FSTL1: variants seen among roughly 807,000 people sequenced by gnomAD.
The protein encoded by FSTL1 is follistatin like 1, also known as follistatin-related protein 1.
Under a neutral mutation model 45.9 loss-of-function variants are expected in FSTL1, and 24 were observed. That is an observed-to-expected ratio of 0.52 (90% CI 0.38 to 0.74). The LOEUF (loss-of-function observed/expected upper bound fraction) is 0.74. FSTL1 is among the 30% of genes least tolerant of loss of function. The pLI is 0.00. For synonymous variants in FSTL1, 120 were observed against 137.6 expected (o/e 0.87, Z 0.89); for missense variants, 340 against 381.8 (o/e 0.89, Z 0.91).
intron 2 of FSTL1, among the ~76,000 whole-genome samples, chr3:120,419,993 T>C (rs1937251655): frequency 6.6e-6 from 1 of 152,148 alleles, no homozygotes; most frequent in African/African-American, 2.4e-5. Flanking sequence ...CTGTGACGCA[T>C]GGAGGCCACA....
intron 7 of FSTL1, among the ~76,000 whole-genome samples, chr3:120,403,951 C>CAA (rs1390160630): frequency 1.2e-5 from 1 of 80,670 alleles, no homozygotes; most frequent in Non-Finnish European, 2.4e-5. Context: ...AAAACAAAAA[C>CAA]AAAACAAAAC....
chr3:120,405,040 A>G, intron 6 of FSTL1, 69 bp from the exon 7 acceptor site: 1 of 826,534 alleles, frequency 1.2e-6, no homozygotes, highest in South Asian at 1.3e-5. Context: ...TACTCCACTC[A>G]GCTGACCTGC....
rs1312905748 is a variant in FSTL1 at position 120,393,357 on chromosome 3, GGA to G, written c.*3593_*3594del. On this transcript the variant is annotated 3_prime_UTR_variant, in exon 11 of 11. Coordinates refer to ENST00000295633, the MANE Select transcript of FSTL1 (RefSeq NM_007085.5). ...TTTGGGAGGCAGAATTATTGTGGGT[GGA>G]GAGTGCATGATACATATGAAAATGG... 1 of 152,178 alleles carries G rather than the reference GGA, an allele frequency of 6.6e-6. No homozygotes were observed. The highest frequency in any genetic ancestry group is 1.5e-5 in the Non-Finnish European group (1 of 68,048). 9.4% of individuals were successfully genotyped at this position (152,178 alleles called of 1,614,324 possible). A position where few individuals can be genotyped will look rare whatever the true frequency, so the allele number is the denominator to read the frequency against.
In FSTL1 at chr3:120,393,464, T is replaced by A. The variant is rs1228429289; in HGVS notation, c.*3488A>T. The A allele has an allele frequency of 1.3e-5, 2 of 152,202 alleles. No individual in the cohort carries two copies. Among genetic ancestry groups the A allele is most frequent in the Non-Finnish European group, 2.9e-5 (2 of 68,046 alleles). 9.4% of individuals were successfully genotyped at this position (152,202 alleles called of 1,614,324 possible). ...AACGTTCAGCCCACTTGGAACTGTT[T>A]ACCCCCATGGAATGTGTGTATCAAG... On this transcript the variant is annotated 3_prime_UTR_variant, in exon 11 of 11. Coordinates refer to ENST00000295633, the MANE Select transcript of FSTL1 (RefSeq NM_007085.5).
intron 2 of FSTL1, among the ~76,000 whole-genome samples, chr3:120,426,468 A>T (rs1211943461): frequency 6.6e-6 from 1 of 152,174 alleles, no homozygotes; most frequent in Non-Finnish European, 1.5e-5. Context: ...ATCGCCTAAG[A>T]GGTATCTAGT....
intron 5 of FSTL1, 89 bp downstream of exon 5, chr3:120,410,863 A>T: frequency 9.9e-7 from 1 of 1,014,222 alleles, no homozygotes; most frequent in Non-Finnish European, 1.6e-6. Context: ...AGATCTTATG[A>T]GCTTGGCAGG....
intron 3 of FSTL1, among the ~76,000 whole-genome samples, chr3:120,414,652 C>A (rs1306469596): frequency 6.6e-6 from 1 of 151,686 alleles, no homozygotes; most frequent in Non-Finnish European, 1.5e-5. Context: ...ACTAAGAAAA[C>A]TTCTTCTGCC....
At chr3:120,410,531 C>T (rs1012636797) in intron 5 of FSTL1, 2 of 330,932 alleles carry the variant, frequency 6.0e-6, no homozygotes, top group Admixed American at 8.3e-5. Context: ...AACTATAAAT[C>T]ATGATAAAAT....
intron 2 of FSTL1, among the ~76,000 whole-genome samples, chr3:120,427,168 A>G (rs1937397141): frequency 6.6e-6 from 1 of 152,126 alleles, no homozygotes; most frequent in Non-Finnish European, 1.5e-5. Flanking sequence ...GGCTTGCCCA[A>G]ATTCTCCCTG....
chr3:120,450,289 G>A (rs1190901780), intron 2 of FSTL1, among the ~76,000 whole-genome samples: 1 of 151,990 alleles, frequency 6.6e-6, no homozygotes, highest in African/African-American at 2.4e-5. Context: ...CTCTGCCCCC[G>A]CCCCCAGGAG....
intron 2 of FSTL1, among the ~76,000 whole-genome samples, chr3:120,443,489 G>A (rs1019120768): frequency 2.7e-5 from 4 of 149,794 alleles, no homozygotes; most frequent in Non-Finnish European, 5.9e-5. Flanking sequence ...AAGGATAAGA[G>A]GAAAGACAGG....
intron 5 of FSTL1, 78 bp downstream of exon 5, chr3:120,410,874 G>A (rs547691094): frequency 2.7e-6 from 3 of 1,111,202 alleles, no homozygotes; most frequent in South Asian, 1.2e-5. Context: ...GCTTGGCAGG[G>A]ATTGTGGAAC....
chr3:120,398,334 T>C (rs1299228303), intron 10 of FSTL1, among the ~76,000 whole-genome samples: 1 of 152,176 alleles, frequency 6.6e-6, no homozygotes, highest in Non-Finnish European at 1.5e-5. Context: ...GTGTTTAATG[T>C]CTTGGTGTAC....
rs529436064 is a variant in FSTL1 at position 120,396,497 on chromosome 3, C to G, written c.*455G>C. 113 of 159,362 alleles carry G rather than the reference C, an allele frequency of 7.1e-4. 1 individual carries two copies. The South Asian group carries it at 0.021, about 30-fold the overall frequency. The allele number at this position is 159,362 out of a possible 1,614,324, so 9.9% of individuals were successfully genotyped here. On this transcript the variant is annotated 3_prime_UTR_variant, in exon 11 of 11. Transcript: ENST00000295633. Reference sequence around the variant, plus strand: ...CAAGAGATGCGTGGATGCTGGAGGTCTGTCATGCTGACGGCAATGGAAAGA... The same window carrying G: ...CAAGAGATGCGTGGATGCTGGAGGTGTGTCATGCTGACGGCAATGGAAAGA...
rs1936623032 is a variant in FSTL1, at chr3:120,393,077, A to C, written c.*3875T>G. On this transcript the variant is annotated 3_prime_UTR_variant, in exon 11 of 11. Transcript: ENST00000295633. ...GGTTGGGAAGTTAGCCAAAATTTAA[A>C]AGTGGTTGTGGACAAGGTACCCTTC... The C allele has an allele frequency of 6.6e-6, 1 of 152,206 alleles. No individual in the cohort carries two copies. 9.4% of individuals were successfully genotyped at this position (152,206 alleles called of 1,614,324 possible). A position where few individuals can be genotyped will look rare whatever the true frequency, so the allele number is the denominator to read the frequency against.
chr3:120,398,015 A>G (rs1936736832), intron 10 of FSTL1, among the ~76,000 whole-genome samples: 1 of 152,204 alleles, frequency 6.6e-6, no homozygotes, highest in African/African-American at 2.4e-5. Flanking sequence ...ATACTGTTGT[A>G]TGATACCACT....
At chr3:120,410,700 C>G in intron 5 of FSTL1, 1 of 617,112 alleles carries the variant, frequency 1.6e-6, no homozygotes. Context: ...TTATGCAGTT[C>G]AATCACTACT....
intron 2 of FSTL1, among the ~76,000 whole-genome samples, chr3:120,429,719 T>C (rs1192623164): frequency 6.6e-6 from 1 of 152,202 alleles, no homozygotes; most frequent in African/African-American, 2.4e-5. Context: ...TCTCCCTTGA[T>C]TCAACAGCCA....
intron 2 of FSTL1, among the ~76,000 whole-genome samples, chr3:120,446,630 T>C (rs1463371486): frequency 1.3e-5 from 2 of 152,220 alleles, no homozygotes; most frequent in African/African-American, 2.4e-5. Context: ...ATAATACAAG[T>C]TGTGGCACCA....
Sources: gnomAD v4.1 joint callset for allele counts (sites outside exome capture counted in the v4.1 genomes callset) on GRCh38, gnomAD v4.1.1 for gene constraint, MANE v1.5 for transcripts, NCBI Gene and HGNC (gene_info 2026-07-23, HGNC 2026-07-21) for gene names.